TAS2R1: variants seen among roughly 807,000 people sequenced by gnomAD.
TAS2R1 encodes the protein taste 2 receptor member 1.
For missense variants in TAS2R1, 370 were observed against 353.4 expected, an observed-to-expected ratio of 1.05 and a Z score of -0.38; for synonymous variants, 141 against 134.2, an observed-to-expected ratio of 1.05 and a Z score of -0.35.
At chr5:9,631,003 C>T (rs189281777), upstream of TAS2R1, among the ~76,000 whole-genome samples, 3 of 152,264 alleles carry the variant, frequency 2.0e-5, no homozygotes, top group Admixed American at 1.3e-4. Context: ...CTTTGTTAGG[C>T]ACGGGCTGTC....
chr5:9,697,903 A>G (rs566575823), intron 1 of TAS2R1, among the ~76,000 whole-genome samples: 1 of 152,160 alleles, frequency 6.6e-6, no homozygotes, highest in South Asian at 2.1e-4. Context: ...GAAAAAAATC[A>G]CTAAGAAGGT....
At chr5:9,864,713 T>C in the TAS2R1 span, among the ~76,000 whole-genome samples, 1 of 151,360 alleles carries the variant, frequency 6.6e-6, no homozygotes, top group Admixed American at 6.6e-5. Flanking sequence ...CATCATCCAG[T>C]TCCCATACAC....
At chr5:9,725,766 C>T in the TAS2R1 span, among the ~76,000 whole-genome samples, 2 of 152,238 alleles carry the variant, frequency 1.3e-5, no homozygotes, top group Non-Finnish European at 2.9e-5. Flanking sequence ...AGTGCGGGAT[C>T]CACTGGGTGA....
chr5:9,802,218 T>C, the TAS2R1 span, among the ~76,000 whole-genome samples: 2 of 152,176 alleles, frequency 1.3e-5, no homozygotes, highest in African/African-American at 4.8e-5. Flanking sequence ...CTGGTATCCA[T>C]GGCTGAGAGA....
the TAS2R1 span, among the ~76,000 whole-genome samples, chr5:9,744,888 G>A: frequency 6.6e-6 from 1 of 152,174 alleles, no homozygotes; most frequent in Non-Finnish European, 1.5e-5. Flanking sequence ...GAAATCTGCA[G>A]CTGCATTAGA....
chr5:9,839,242 C>A, the TAS2R1 span, among the ~76,000 whole-genome samples: 1 of 152,178 alleles, frequency 6.6e-6, no homozygotes, highest in African/African-American at 2.4e-5. Context: ...GAAAGCAGCA[C>A]AGACACGGTA....
chr5:9,876,084 T>A, the TAS2R1 span, among the ~76,000 whole-genome samples: 1 of 151,986 alleles, frequency 6.6e-6, no homozygotes. Flanking sequence ...TCTCCTAGCA[T>A]CTGCAGCCCA....
intron 1 of TAS2R1, among the ~76,000 whole-genome samples, chr5:9,681,312 C>T (rs1003023490): frequency 4.0e-5 from 6 of 151,506 alleles, no homozygotes; most frequent in Admixed American, 2.6e-4. Context: ...TCTGTAATAT[C>T]GTCTAAATGA....
the TAS2R1 span, among the ~76,000 whole-genome samples, chr5:9,848,579 G>C: frequency 6.6e-6 from 1 of 152,064 alleles, no homozygotes; most frequent in African/African-American, 2.4e-5. Context: ...ATCACTAAGA[G>C]AGTAGATTTT....
intron 1 of TAS2R1, among the ~76,000 whole-genome samples, chr5:9,691,715 C>CG (rs1741252979): frequency 6.6e-6 from 1 of 152,276 alleles, no homozygotes. Context: ...TAAGGACAGG[C>CG]GGAACCCTTA....
At chr5:9,815,966 AAT>A in the TAS2R1 span, among the ~76,000 whole-genome samples, 1 of 152,190 alleles carries the variant, frequency 6.6e-6, no homozygotes, top group African/African-American at 2.4e-5. Flanking sequence ...CCTTTTTAAA[AAT>A]ATATGTGTAT....
the TAS2R1 span, among the ~76,000 whole-genome samples, chr5:9,860,814 C>T: frequency 1.3e-5 from 2 of 152,198 alleles, no homozygotes; most frequent in African/African-American, 2.4e-5. Context: ...TGGATGGCTG[C>T]AGCCTGCAGA....
chr5:9,675,258 T>C (rs1019445113), intron 1 of TAS2R1, among the ~76,000 whole-genome samples: 1 of 151,330 alleles, frequency 6.6e-6, no homozygotes, highest in African/African-American at 2.4e-5. Flanking sequence ...TCCAACTTGA[T>C]CCATAGAGTC....
rs978168489 is a variant in TAS2R1 at position 9,628,756 on chromosome 5, C to G, written c.*377G>C. On this transcript the variant is annotated 3_prime_UTR_variant, in exon 1 of 1. Transcript: ENST00000382492. ...GTCCTTCTGACATCACGAGTTCAAA[C>G]AAGTGCTTTTCTTTTTCATCAAACT... is the stretch of plus-strand genomic sequence containing the variant. Among the ~76,000 whole-genome samples, 1 of 152,186 alleles carries G rather than the reference C, an allele frequency of 6.6e-6. No homozygotes were observed. Among genetic ancestry groups the G allele is most frequent in the East Asian group, 1.9e-4 (1 of 5,202 alleles).
chr5:9,893,231 CAG>C, the TAS2R1 span, among the ~76,000 whole-genome samples: 1 of 140,410 alleles, frequency 7.1e-6, no homozygotes, highest in South Asian at 2.3e-4. Context: ...TTTTTGGAGA[CAG>C]AGTCTCAGAT....
the TAS2R1 span, among the ~76,000 whole-genome samples, chr5:9,751,541 C>A: frequency 6.6e-6 from 1 of 152,168 alleles, no homozygotes; most frequent in Non-Finnish European, 1.5e-5. Context: ...AGAGAAACAT[C>A]TGTTATAAAT....
At chr5:9,810,106 A>C in the TAS2R1 span, among the ~76,000 whole-genome samples, 2 of 152,236 alleles carry the variant, frequency 1.3e-5, no homozygotes, top group African/African-American at 4.8e-5. Flanking sequence ...TCTGGGAGGC[A>C]GGACAAGTCT....
chr5:9,633,776 T>A (rs1217988957), upstream of TAS2R1, among the ~76,000 whole-genome samples: 1 of 151,938 alleles, frequency 6.6e-6, no homozygotes, highest in African/African-American at 2.4e-5. Context: ...CCTTTGCCCA[T>A]GTTTTGATGG....
In TAS2R1 at chr5:9,629,847, G is replaced by A; in HGVS notation, c.186C>T (p.Ile62=). 6.2e-7 allele frequency: 1 copy of A among 1,613,570 alleles called. No homozygotes were observed. The highest frequency in any genetic ancestry group is 8.5e-7 in the Non-Finnish European group (1 of 1,179,916). The change falls in exon 1 of 1, where the codon ATC becomes ATT. Residue 62 remains isoleucine, a synonymous_variant. Transcript: ENST00000382492. The part of the protein sequence containing the change: ...AVSRIFLQLF[I]FYVNVIVIFF... ...AGATAACAATCACATTAACGTAGAA[G>A]ATGAACAACTGCAGAAAAATTCTAG...
Sources: allele counts gnomAD v4.1 joint callset (sites outside exome capture counted in the v4.1 genomes callset), GRCh38; gene constraint gnomAD v4.1.1; transcripts MANE v1.5; gene names NCBI Gene and HGNC (gene_info 2026-07-23, HGNC 2026-07-21).